The following MAP7 variants were observed in gnomAD, a reference collection of about 807,000 sequenced individuals.
MAP7 encodes ensconsin.
In MAP7, 52 loss-of-function variants were observed where a neutral mutation model predicts 94.8. That is an observed-to-expected ratio of 0.55 (90% CI 0.44 to 0.69). The LOEUF is 0.69. Among genes scored for constraint, MAP7 ranks in the 30% least tolerant of loss-of-function variants. The pLI is 0.00. For missense variants in MAP7, 940 were observed against 964.6 expected (o/e 0.97, Z 0.34); for synonymous variants, 350 against 357.0 (o/e 0.98, Z 0.22).
intron 1 of MAP7, among the ~76,000 whole-genome samples, chr6:136,543,197 G>A (rs1370840942): frequency 1.3e-5 from 2 of 152,248 alleles, no homozygotes; most frequent in Admixed American, 1.3e-4. Context: ...CAAAACCCGG[G>A]AACAACTCAA....
At chr6:136,355,257 CTT>C (rs199649689) in intron 16 of MAP7, among the ~76,000 whole-genome samples, 2 of 149,292 alleles carry the variant, frequency 1.3e-5, no homozygotes, top group African/African-American at 4.9e-5. Flanking sequence ...ATCTTTTATT[CTT>C]TTTTTTTTAA....
intron 3 of MAP7, among the ~76,000 whole-genome samples, chr6:136,399,912 G>A (rs1271399575): frequency 6.6e-6 from 1 of 152,110 alleles, no homozygotes; most frequent in African/African-American, 2.4e-5. Flanking sequence ...AGGTCTTAGA[G>A]CATTTGTGTG....
At chr6:136,533,053 A>G (rs185905429) in intron 1 of MAP7, among the ~76,000 whole-genome samples, 1 of 152,312 alleles carries the variant, frequency 6.6e-6, no homozygotes, top group East Asian at 1.9e-4. Flanking sequence ...CGGGTGGATC[A>G]CCTGAGGTCG....
chr6:136,389,666 C>T, intron 3 of MAP7, 149 bp from the exon 4 acceptor site: 1 of 652,388 alleles, frequency 1.5e-6, no homozygotes, highest in East Asian at 2.9e-5. Flanking sequence ...CTTTGCTTCC[C>T]TCAAATTTCC....
chr6:136,462,042 G>C (rs1355872204), intron 1 of MAP7, among the ~76,000 whole-genome samples: 1 of 151,920 alleles, frequency 6.6e-6, no homozygotes, highest in Non-Finnish European at 1.5e-5. Context: ...TTGTCAAGAT[G>C]GTATATCAAG....
chr6:136,499,757 G>A (rs962618300), intron 1 of MAP7, among the ~76,000 whole-genome samples: 2 of 152,114 alleles, frequency 1.3e-5, no homozygotes, highest in Admixed American at 6.5e-5. Flanking sequence ...CCAGGACTTT[G>A]GGAGGCCTAG....
intron 1 of MAP7, among the ~76,000 whole-genome samples, chr6:136,429,220 G>A (rs868490973): frequency 6.6e-5 from 10 of 152,096 alleles, no homozygotes; most frequent in African/African-American, 2.2e-4. Flanking sequence ...TCAAATGGAT[G>A]TTTTGACCCC....
At chr6:136,412,274 G>A (rs1787731399) in intron 2 of MAP7, among the ~76,000 whole-genome samples, 1 of 152,116 alleles carries the variant, frequency 6.6e-6, no homozygotes, top group Non-Finnish European at 1.5e-5. Context: ...TGTGTAGTGT[G>A]TATGTCCCAG....
chr6:136,442,491 T>C (rs147219089), intron 1 of MAP7, among the ~76,000 whole-genome samples: 219 of 152,170 alleles, frequency 1.4e-3, no homozygotes, highest in African/African-American at 5.0e-3. Flanking sequence ...ACAGTGGTTC[T>C]TGAGGGTTTG....
intron 2 of MAP7, 57 bp downstream of exon 2, chr6:136,421,644 C>G (rs1791389842): frequency 5.5e-6 from 8 of 1,446,392 alleles, no homozygotes; most frequent in South Asian, 4.6e-5. Context: ...CATCAGCATG[C>G]CTTTAGGGCA....
intron 3 of MAP7, among the ~76,000 whole-genome samples, chr6:136,405,017 A>C (rs1785172262): frequency 6.6e-6 from 1 of 152,244 alleles, no homozygotes. Flanking sequence ...TTCACCTGAG[A>C]AAATGATTAC....
At chr6:136,363,126 C>A (rs559310320) in intron 10 of MAP7, among the ~76,000 whole-genome samples, 4 of 152,342 alleles carry the variant, frequency 2.6e-5, no homozygotes, top group African/African-American at 9.6e-5. Context: ...GCATCCATGC[C>A]ATGAGTCCAG....
intron 1 of MAP7, among the ~76,000 whole-genome samples, chr6:136,435,371 T>C (rs1455891852): frequency 6.6e-6 from 1 of 152,176 alleles, no homozygotes. Context: ...AGATAACCAG[T>C]CCTGTTTCCA....
rs57122565 is a variant in MAP7 at position 136,411,747 on chromosome 6, A to G, written c.167-50T>C. 4.4e-3 allele frequency: 6,167 copies of G among 1,391,624 alleles called. 232 individuals carry two copies. The African/African-American group carries it at 0.078, about 18-fold the overall frequency. The allele number at this position is 1,391,624 out of a possible 1,614,324, so 86.2% of individuals were successfully genotyped here. ...TGAGATGAAGAGTGGATTAAAAAAA[A>G]AAAGAAAAAGAAAAAACACACATTG... is the stretch of plus-strand genomic sequence containing the variant. On this transcript the variant is annotated intron_variant, in intron 2 of 17. Transcript: ENST00000354570.
intron 16 of MAP7, among the ~76,000 whole-genome samples, chr6:136,355,980 A>G (rs1790801526): frequency 6.6e-6 from 1 of 152,220 alleles, no homozygotes; most frequent in African/African-American, 2.4e-5. Flanking sequence ...TGGTTCTTCA[A>G]TAAGAAGCCC....
chr6:136,449,024 GC>G (rs1250078525), intron 1 of MAP7, among the ~76,000 whole-genome samples: 2 of 134,706 alleles, frequency 1.5e-5, no homozygotes, highest in Admixed American at 7.5e-5. Flanking sequence ...AAAAAAAGAA[GC>G]AAGCCAGGCA....
intron 7 of MAP7, among the ~76,000 whole-genome samples, chr6:136,374,131 A>T (rs1191981748): frequency 6.6e-6 from 1 of 152,172 alleles, no homozygotes; most frequent in Non-Finnish European, 1.5e-5. Context: ...AAACTAAAAC[A>T]CTTTTTCATT....
intron 1 of MAP7, among the ~76,000 whole-genome samples, chr6:136,461,219 T>G (rs904779516): frequency 6.6e-6 from 1 of 152,140 alleles, no homozygotes; most frequent in Admixed American, 6.5e-5. Flanking sequence ...AGAAACAGCT[T>G]TTGCTTAGTT....
intron 3 of MAP7, among the ~76,000 whole-genome samples, chr6:136,400,559 A>G (rs1231524928): frequency 6.6e-6 from 1 of 152,242 alleles, no homozygotes; most frequent in East Asian, 1.9e-4. Context: ...AACTAAAACA[A>G]AGCGTCAAAT....
Sources: allele counts gnomAD v4.1 joint callset (sites outside exome capture counted in the v4.1 genomes callset), GRCh38; gene constraint gnomAD v4.1.1; transcripts MANE v1.5; gene names NCBI Gene and HGNC (gene_info 2026-07-23, HGNC 2026-07-21).